The following CFAP99 variants were observed in gnomAD, a reference collection of about 807,000 sequenced individuals.
The protein encoded by CFAP99 is cilia- and flagella-associated protein 99.
A neutral mutation model predicts 82.7 loss-of-function variants in CFAP99; 84 were observed. The observed-to-expected ratio is 1.02, with a 90% CI of 0.85 to 1.22. CFAP99 has a LOEUF of 1.22. Among genes scored for constraint, CFAP99 ranks in the 50% most tolerant of loss-of-function variants. The pLI, the probability that CFAP99 is intolerant of heterozygous loss-of-function variation, is 0.00. For synonymous variants in CFAP99, 456 were observed against 429.5 expected, an observed-to-expected ratio of 1.06 and a Z score of -0.76; for missense variants, 1,059 against 983.5, an observed-to-expected ratio of 1.08 and a Z score of -1.03.
chr4:2,449,710 A>G (rs1237236275), exon 7 of CFAP99: 1 of 1,536,152 alleles, frequency 6.5e-7, no homozygotes, highest in African/African-American at 1.4e-5. Flanking sequence ...GAGCAGCAGC[A>G]GCTGGAGACA....
chr4:2,443,202 C>A, exon 5 of CFAP99: 1 of 1,535,764 alleles, frequency 6.5e-7, no homozygotes, highest in Non-Finnish European at 8.7e-7. Flanking sequence ...CATCTACGAG[C>A]CAGCCCACGT....
At chr4:2,457,688 G>A (rs1734468997) in intron 11 of CFAP99, among the ~76,000 whole-genome samples, 1 of 152,176 alleles carries the variant, frequency 6.6e-6, no homozygotes, top group Non-Finnish European at 1.5e-5. Flanking sequence ...CACACTCATC[G>A]CTTGCCAAAC....
At position 2,444,856 on chromosome 4, in the gene CFAP99, C is replaced by T. The variant is rs1203500960; in HGVS notation, c.465-275C>T. Among the ~76,000 whole-genome samples, 3 of 152,234 alleles carry T rather than the reference C, an allele frequency of 2.0e-5. 1 individual carries two copies. The highest frequency in any genetic ancestry group is 2.0e-4 in the Admixed American group (3 of 15,288). On this transcript the variant is annotated intron_variant, in intron 5 of 14. Coordinates refer to ENST00000635017, the Ensembl canonical transcript of CFAP99. Reference sequence around the variant, plus strand: ...TGCAGCAGGGCTGTCCCTGTCCTCCCAGCTCCCCACTCACCAGCATGGCCC... The same window carrying T: ...TGCAGCAGGGCTGTCCCTGTCCTCCTAGCTCCCCACTCACCAGCATGGCCC...
intron 2 of CFAP99, among the ~76,000 whole-genome samples, chr4:2,433,152 G>A (rs1011841004): frequency 6.6e-6 from 1 of 152,206 alleles, no homozygotes; most frequent in African/African-American, 2.4e-5. Context: ...GGACCCTCCG[G>A]CCCAGAGTGG....
chr4:2,422,027 G>A (rs963185091), intron 1 of CFAP99, among the ~76,000 whole-genome samples: 6 of 152,184 alleles, frequency 3.9e-5, no homozygotes, highest in African/African-American at 1.4e-4. Context: ...GGGTGACAGA[G>A]TGAGACCCTA....
At chr4:2,452,525 G>A (rs1361260347) in intron 11 of CFAP99, among the ~76,000 whole-genome samples, 179 bp downstream of exon 11, 4 of 152,138 alleles carry the variant, frequency 2.6e-5, no homozygotes, top group Non-Finnish European at 5.9e-5. Context: ...AGGTGGGCAC[G>A]CTCAGCCTGT....
At position 2,452,134 on chromosome 4, in the gene CFAP99, T is replaced by G; in HGVS notation, c.957-8T>G. 1 of 1,535,922 alleles carries G rather than the reference T, an allele frequency of 6.5e-7. No individual in the cohort carries two copies. The highest frequency in any genetic ancestry group is 8.7e-7 in the Non-Finnish European group (1 of 1,146,736). On this transcript the variant is annotated splice_region_variant and splice_polypyrimidine_tract_variant and intron_variant, in intron 10 of 14. Transcript: ENST00000635017. ...CCCCAAGCTGTGCTTCTGTCCCTCTTTGCCCAGGGTTGATAAGCTCGTGGA... is the reference window on the plus strand; with the variant it reads ...CCCCAAGCTGTGCTTCTGTCCCTCTGTGCCCAGGGTTGATAAGCTCGTGGA...
At chr4:2,438,029 C>CT (rs5855731) in intron 3 of CFAP99, 41 bp from the exon 4 acceptor site, 613,814 of 1,271,070 alleles carry the variant, frequency 0.48, 150,121 homozygotes, top group East Asian at 0.64. Context: ...CCTGGTGCCC[C>CT]GTGACGTCCC....
Position 2,451,017 on chromosome 4 carries a change from G to C in CFAP99, c.866G>C (p.Arg289Thr), listed in dbSNP as rs1355324908. 6 of 1,535,700 alleles carry C rather than the reference G, an allele frequency of 3.9e-6. No homozygotes were observed. In the East Asian group the frequency reaches 9.8e-5, roughly 25 times the overall value. ...AAGACTCCGAAGCTGACCTTCTATA[G>C]GGTGAGGGGTGCTCCTGGATGGTCA... Residue 289 changes from arginine to threonine, a missense_variant and splice_region_variant, in exon 9 of 15, where the codon AGG (arginine) becomes ACG (threonine). Arg to Thr is a moderately conservative substitution (Grantham distance 71, BLOSUM62 -1). Transcript: ENST00000635017.
chr4:2,435,695 A>G (rs1191599688), intron 2 of CFAP99, among the ~76,000 whole-genome samples: 1 of 152,212 alleles, frequency 6.6e-6, no homozygotes, highest in African/African-American at 2.4e-5. Flanking sequence ...AGGCCAAGGC[A>G]GGAGGATTGC....
At chr4:2,420,511 G>A (rs1254417141) in intron 1 of CFAP99, among the ~76,000 whole-genome samples, 1 of 152,118 alleles carries the variant, frequency 6.6e-6, no homozygotes, top group Non-Finnish European at 1.5e-5. Context: ...GCTGTTCTCT[G>A]TGGGTCTATC....
At position 2,459,273 on chromosome 4, in the gene CFAP99, C is replaced by T. The variant is rs567933929; in HGVS notation, c.1455+15C>T. The T allele has an allele frequency of 5.3e-6, 8 of 1,519,632 alleles. No individual in the cohort carries two copies. In the African/African-American group the frequency reaches 1.1e-4, roughly 21 times the overall value. The allele number at this position is 1,519,632 out of a possible 1,614,324, so 94.1% of individuals were successfully genotyped here. A position where few individuals can be genotyped will look rare whatever the true frequency, so the allele number is the denominator to read the frequency against. ...ACCTGACCCAGGTGAGGATGCAGTC[C>T]TGGACGGGCCCATGCCTCAGGGGCC... On this transcript the variant is annotated intron_variant, in intron 13 of 14. Coordinates refer to ENST00000635017, the Ensembl canonical transcript of CFAP99.
rs1179432640 is a variant in CFAP99, at chr4:2,445,314, T to C, written c.642+6T>C. On this transcript the variant is annotated splice_donor_region_variant and intron_variant, in intron 6 of 14. Transcript: ENST00000635017. ...TCGTGGCCAAGCCGAGACCCGTGAG[T>C]GTGGGCATTCTCAGCAGGCACTGGC... 4 of 1,331,542 alleles carry C rather than the reference T, an allele frequency of 3.0e-6. No homozygotes were observed. Among genetic ancestry groups the C allele is most frequent in the Admixed American group, 3.6e-5 (1 of 28,020 alleles). The allele number at this position is 1,331,542 out of a possible 1,614,324, so 82.5% of individuals were successfully genotyped here.
intron 14 of CFAP99, 110 bp downstream of exon 14, chr4:2,460,352 C>T: frequency 2.1e-6 from 2 of 959,702 alleles, no homozygotes; most frequent in African/African-American, 1.6e-5. Flanking sequence ...ACCCTCCTGC[C>T]CAGGAAGTTC....
At chr4:2,426,780 G>A in intron 2 of CFAP99, 194 bp downstream of exon 2, 2 of 576,556 alleles carry the variant, frequency 3.5e-6, no homozygotes, top group Non-Finnish European at 6.2e-6. Context: ...GTCAGGCCAG[G>A]CTCTGGTGAA....
intron 6 of CFAP99, among the ~76,000 whole-genome samples, chr4:2,445,631 T>C (rs1734147148): frequency 6.6e-6 from 1 of 152,162 alleles, no homozygotes; most frequent in African/African-American, 2.4e-5. Context: ...TCTGGCGTAA[T>C]GCAACACCCC....
intron 13 of CFAP99, among the ~76,000 whole-genome samples, chr4:2,459,527 T>C (rs1397240253): frequency 6.6e-6 from 1 of 152,140 alleles, no homozygotes; most frequent in African/African-American, 2.4e-5. Context: ...AGGAGGCCAC[T>C]TAGGAGCTGC....
At chr4:2,422,624 A>G (rs958758230) in intron 1 of CFAP99, among the ~76,000 whole-genome samples, 1 of 152,098 alleles carries the variant, frequency 6.6e-6, no homozygotes, top group Non-Finnish European at 1.5e-5. Flanking sequence ...CACCGCCCCC[A>G]CCAGGCGCAA....
At chr4:2,440,441 C>A (rs571931328) in intron 4 of CFAP99, among the ~76,000 whole-genome samples, 1 of 151,240 alleles carries the variant, frequency 6.6e-6, no homozygotes, top group African/African-American at 2.4e-5. Context: ...CCACCGCGCC[C>A]GGCCGACATT....
Sources: allele counts gnomAD v4.1 joint callset (sites outside exome capture counted in the v4.1 genomes callset), GRCh38; gene constraint gnomAD v4.1.1; transcripts MANE v1.5; gene names NCBI Gene and HGNC (gene_info 2026-07-23, HGNC 2026-07-21).